NEK4: variants seen among roughly 807,000 people sequenced by gnomAD.
The protein encoded by NEK4 is NIMA related kinase 4, also known as serine/threonine-protein kinase Nek4.
In NEK4, 86 loss-of-function variants were observed where a neutral mutation model predicts 98.4. The observed-to-expected ratio is 0.87, with a 90% CI of 0.73 to 1.05. The LOEUF (loss-of-function observed/expected upper bound fraction) is 1.05. Ranked by LOEUF, NEK4 falls within the 50% of genes least tolerant of loss-of-function variation. The pLI, the probability that NEK4 is intolerant of heterozygous loss-of-function variation, is 0.00. For missense variants in NEK4, 898 were observed against 950.3 expected, an observed-to-expected ratio of 0.94 and a Z score of 0.72; for synonymous variants, 328 against 342.2, an observed-to-expected ratio of 0.96 and a Z score of 0.46.
intron 15 of NEK4, among the ~76,000 whole-genome samples, chr3:52,727,991 G>T (rs1256979963): frequency 6.6e-6 from 1 of 152,172 alleles, no homozygotes; most frequent in Non-Finnish European, 1.5e-5. Flanking sequence ...TCAGCACTTT[G>T]GGAGACATAG....
Position 52,765,888 on chromosome 3 carries a change from T to A in NEK4, c.665A>T (p.Lys222Met). 7 of 1,568,558 alleles carry A rather than the reference T, an allele frequency of 4.5e-6. No individual in the cohort carries two copies. Among genetic ancestry groups the A allele is most frequent in the Middle Eastern group, 1.7e-4 (1 of 5,976 alleles). Residue 222 changes from lysine (K) to methionine (M), a missense_variant and splice_region_variant, in exon 4 of 16, where the codon AAG becomes ATG. Physicochemically the swap from Lys to Met is moderately conservative, Grantham distance 95. Transcript: ENST00000233027. ...AATTAGTTCTAGATTATTCTTTACCTTTCCTTCAATAATCCGATAAACTAA... is the reference window on the plus strand; with the variant it reads ...AATTAGTTCTAGATTATTCTTTACCATTCCTTCAATAATCCGATAAACTAA... ...NSLVYRIIEG[K>M]LPPMPRDYSP...
At chr3:52,769,748 C>T (rs1193655198) in intron 1 of NEK4, among the ~76,000 whole-genome samples, 1 of 152,188 alleles carries the variant, frequency 6.6e-6, no homozygotes, top group African/African-American at 2.4e-5. Flanking sequence ...ATTAATAATG[C>T]CTTTCAGTTT....
chr3:52,737,425 A>C, intron 15 of NEK4, 161 bp downstream of exon 15: 1 of 660,894 alleles, frequency 1.5e-6, no homozygotes, highest in Non-Finnish European at 2.5e-6. Context: ...AAATGTTCTA[A>C]TATCGATTGT....
chr3:52,766,583 T>G (rs1329465790), intron 2 of NEK4, among the ~76,000 whole-genome samples: 1 of 152,232 alleles, frequency 6.6e-6, no homozygotes, highest in East Asian at 1.9e-4. Context: ...TTACAATTTT[T>G]GAAATGAGAA....
At chr3:52,729,294 C>T (rs1348075209) in intron 15 of NEK4, among the ~76,000 whole-genome samples, 1 of 152,152 alleles carries the variant, frequency 6.6e-6, no homozygotes, top group Non-Finnish European at 1.5e-5. Flanking sequence ...CTCTTTATTT[C>T]TCAGCTGGCC....
At chr3:52,713,833 CAA>C (rs1465298713) in intron 15 of NEK4, among the ~76,000 whole-genome samples, 2 of 134,858 alleles carry the variant, frequency 1.5e-5, no homozygotes, top group East Asian at 2.2e-4. Flanking sequence ...TCAGGAAAAA[CAA>C]AGTGAGGAAA....
intron 6 of NEK4, among the ~76,000 whole-genome samples, chr3:52,759,428 G>C (rs193128753): frequency 1.2e-3 from 175 of 151,712 alleles, no homozygotes; most frequent in African/African-American, 3.9e-3. Context: ...AGCTTTAGCA[G>C]ATATTTCTCC....
At chr3:52,748,597 C>A (rs565034913) in intron 8 of NEK4, among the ~76,000 whole-genome samples, 1 of 152,192 alleles carries the variant, frequency 6.6e-6, no homozygotes, top group Non-Finnish European at 1.5e-5. Flanking sequence ...TTTGGATGTA[C>A]CCTAAAAAGC....
chr3:52,754,612 G>T, intron 6 of NEK4: 1 of 923,952 alleles, frequency 1.1e-6, no homozygotes, highest in Non-Finnish European at 1.7e-6. Flanking sequence ...AGCACAATAA[G>T]TGTACGTGTC....
chr3:52,758,402 CATT>C (rs1698216961), intron 6 of NEK4, among the ~76,000 whole-genome samples: 1 of 151,830 alleles, frequency 6.6e-6, no homozygotes, highest in Middle Eastern at 3.2e-3. Flanking sequence ...GTAAATTTTA[CATT>C]ATGTGTACTT....
chr3:52,755,667 A>G (rs1050970036), intron 6 of NEK4, among the ~76,000 whole-genome samples: 11 of 152,140 alleles, frequency 7.2e-5, no homozygotes, highest in Non-Finnish European at 1.6e-4. Flanking sequence ...TCTAGTCAAT[A>G]TAGTACTAGA....
Position 52,763,556 on chromosome 3 carries a change from C to T in NEK4, c.735G>A (p.Arg245=), listed in dbSNP as rs751881145. Residue 245 remains arginine (R), a synonymous_variant, in exon 5 of 16, where the codon AGG becomes AGA. Coordinates refer to ENST00000233027, the MANE Select transcript of NEK4 (RefSeq NM_003157.6). ...AELIRTMLSK[R]PEERPSVRSI... is the part of the protein sequence containing the mutation. ...TCCTCACAGACGGCCTTTCTTCAGG[C>T]CTTTTGCTCAGCATTGTTCTTATCA... 50 of 1,613,898 alleles carry T rather than the reference C, an allele frequency of 3.1e-5. No homozygotes were observed. The South Asian group carries it at 5.3e-4, about 17-fold the overall frequency.
rs535258452 is a variant in NEK4, at chr3:52,715,573, TAG to T, written c.2434-3706_2434-3705del. ...AGCTAATTTTTTTTGGTATTTTTAG[TAG>T]AGACAGGGTTTCACCATGTTGGCCA... On this transcript the variant is annotated intron_variant, in intron 15 of 15. Coordinates refer to ENST00000233027, the MANE Select transcript of NEK4 (RefSeq NM_003157.6). Among the ~76,000 whole-genome samples the T allele has an allele frequency of 1.1e-3, 170 of 152,288 alleles. 1 individual carries two copies. The highest frequency in any genetic ancestry group is 1.7e-3 in the Non-Finnish European group (114 of 68,018).
chr3:52,754,242 A>C, intron 6 of NEK4: 1 of 324,564 alleles, frequency 3.1e-6, no homozygotes, highest in South Asian at 2.7e-5. Flanking sequence ...TCCATGCTTG[A>C]TATTTGGTAT....
At chr3:52,712,649 G>A (rs150322055) in intron 15 of NEK4, among the ~76,000 whole-genome samples, 12 of 152,136 alleles carry the variant, frequency 7.9e-5, no homozygotes, top group Admixed American at 5.2e-4. Context: ...CAGCAGATGC[G>A]GGAACCAGAA....
At chr3:52,752,933 T>TATATATACACACACACACACAC (rs148965312) in intron 6 of NEK4, among the ~76,000 whole-genome samples, 2 of 75,574 alleles carry the variant, frequency 2.6e-5, no homozygotes, top group Non-Finnish European at 5.1e-5. Flanking sequence ...TATATATATA[T>TATATATACACACACACACACAC]ACACACACAC....
Position 52,746,823 on chromosome 3 carries a change from GTT to G in NEK4, c.1586_1587del (p.Glu529AlafsTer16). On this transcript the variant is annotated frameshift_variant, in exon 9 of 16. Transcript: ENST00000233027. LOFTEE classifies it high-confidence loss of function. ...TGCCGTCGCTGTCGAGACAGGGAAGGTTCAGACCCAGAGTTGTGTGGCTGTAA... is the reference window on the plus strand; with the variant it reads ...TGCCGTCGCTGTCGAGACAGGGAAGGCAGACCCAGAGTTGTGTGGCTGTAA... ...PDLQPHNSGS[E>X]PSLSRQRRQK... 1 of 1,614,070 alleles carries G rather than the reference GTT, an allele frequency of 6.2e-7. No homozygotes were observed. Among genetic ancestry groups the G allele is most frequent in the African/African-American group, 1.3e-5 (1 of 75,056 alleles).
chr3:52,725,164 AATTT>A lies in NEK4; in HGVS notation c.2433+12418_2433+12421del, dbSNP rs1405101845. 3.3e-5 allele frequency among the ~76,000 whole-genome samples: 5 copies of A among 152,318 alleles called. No homozygotes were observed. The East Asian group carries it at 9.6e-4, about 29-fold the overall frequency. ...CAATTTCACGTTTTGTTTTCCATAT[AATTT>A]AAGAGACTAATGCATTTTAAAAACC... On this transcript the variant is annotated intron_variant, in intron 15 of 15. Coordinates refer to ENST00000233027, the MANE Select transcript of NEK4 (RefSeq NM_003157.6).
At chr3:52,760,200 T>C (rs139294276) in intron 6 of NEK4, among the ~76,000 whole-genome samples, 133 of 152,146 alleles carry the variant, frequency 8.7e-4, no homozygotes, top group African/African-American at 3.0e-3. Flanking sequence ...ACTTTATTTA[T>C]TTATTTTATT....
Sources: gnomAD v4.1 joint callset for allele counts (sites outside exome capture counted in the v4.1 genomes callset) on GRCh38, gnomAD v4.1.1 for gene constraint, MANE v1.5 for transcripts, NCBI Gene and HGNC (gene_info 2026-07-23, HGNC 2026-07-21) for gene names.